CHODL: variants seen among roughly 807,000 people sequenced by gnomAD.
The protein encoded by CHODL is chondrolectin.
CHODL carries 29 observed loss-of-function variants against 34.5 expected under a neutral mutation model. That is an observed-to-expected ratio of 0.84 (90% CI 0.63 to 1.15). The LOEUF is 1.15. Ranked by LOEUF, CHODL falls within the 50% of genes most tolerant of loss-of-function variation. The pLI, the probability that CHODL is intolerant of heterozygous loss-of-function variation, is 0.00. For missense variants in CHODL, 332 were observed against 332.5 expected (o/e 1.00, Z 0.01); for synonymous variants, 125 against 116.1 (o/e 1.08, Z -0.49).
At chr21:18,025,594 T>A (rs2064167137) in intron 1 of CHODL, among the ~76,000 whole-genome samples, 1 of 152,194 alleles carries the variant, frequency 6.6e-6, no homozygotes, top group East Asian at 1.9e-4. Context: ...ATAATTTATT[T>A]TTTTATTTTT....
At chr21:18,181,365 A>T (rs559270387) in intron 2 of CHODL, among the ~76,000 whole-genome samples, 1 of 152,328 alleles carries the variant, frequency 6.6e-6, no homozygotes, top group Admixed American at 6.5e-5. Flanking sequence ...TGCATACAAA[A>T]GAAGCCCTGT....
chr21:17,970,050 C>A (rs1476585986), intron 1 of CHODL, among the ~76,000 whole-genome samples: 1 of 152,168 alleles, frequency 6.6e-6, no homozygotes, highest in Non-Finnish European at 1.5e-5. Context: ...TGCAGCTTCT[C>A]TATTGGATCC....
At chr21:18,059,370 G>A (rs2064627129) in intron 2 of CHODL, among the ~76,000 whole-genome samples, 2 of 152,132 alleles carry the variant, frequency 1.3e-5, no homozygotes, top group South Asian at 4.1e-4. Flanking sequence ...TTTTGTTATG[G>A]CAGCCTGAGC....
intron 2 of CHODL, among the ~76,000 whole-genome samples, chr21:18,236,845 G>A (rs1334747330): frequency 1.2e-4 from 18 of 151,960 alleles, no homozygotes. Context: ...TTTATTTTGT[G>A]TTGTAATTTG....
intron 1 of CHODL, among the ~76,000 whole-genome samples, chr21:18,027,464 A>G (rs1441549559): frequency 6.6e-6 from 1 of 152,214 alleles, no homozygotes; most frequent in Non-Finnish European, 1.5e-5. Flanking sequence ...CTCTGTAGTT[A>G]CACAGAAGAA....
chr21:18,137,341 A>G (rs2072746220), intron 2 of CHODL, among the ~76,000 whole-genome samples: 1 of 152,194 alleles, frequency 6.6e-6, no homozygotes, highest in African/African-American at 2.4e-5. Context: ...TCAACTAAAC[A>G]TAACTATCAT....
chr21:18,232,965 ATATATATG>A (rs1457471096), intron 2 of CHODL, among the ~76,000 whole-genome samples: 129 of 139,616 alleles, frequency 9.2e-4, no homozygotes, highest in African/African-American at 3.3e-3. Context: ...ATATATATAT[ATATATATG>A]TATATATATG....
chr21:17,939,974 G>A (rs2146329458), intron 1 of CHODL, among the ~76,000 whole-genome samples: 1 of 152,272 alleles, frequency 6.6e-6, no homozygotes. Context: ...CTAGATTCAT[G>A]GGTGTGTAAC....
intron 2 of CHODL, among the ~76,000 whole-genome samples, chr21:18,112,862 T>C (rs963618297): frequency 1.3e-5 from 2 of 152,016 alleles, no homozygotes. Flanking sequence ...TGGGCAAAGG[T>C]TTCTTGAACA....
At chr21:18,177,227 A>G (rs1292386661) in intron 2 of CHODL, among the ~76,000 whole-genome samples, 2 of 152,062 alleles carry the variant, frequency 1.3e-5, no homozygotes, top group Non-Finnish European at 2.9e-5. Flanking sequence ...TAAATATATT[A>G]TGGTAAATCC....
intron 2 of CHODL, among the ~76,000 whole-genome samples, chr21:18,100,878 G>GA: frequency 6.6e-6 from 1 of 152,198 alleles, no homozygotes; most frequent in East Asian, 1.9e-4. Flanking sequence ...CTGGTCTTAA[G>GA]ATTTTTTTCC....
At chr21:18,142,344 G>C (rs1336035592) in intron 2 of CHODL, among the ~76,000 whole-genome samples, 1 of 152,052 alleles carries the variant, frequency 6.6e-6, no homozygotes, top group Admixed American at 6.6e-5. Flanking sequence ...CTTGAGCTTT[G>C]CTTTAATTCT....
intron 1 of CHODL, among the ~76,000 whole-genome samples, chr21:17,987,281 T>C (rs543164323): frequency 4.9e-4 from 74 of 152,284 alleles, no homozygotes; most frequent in Admixed American, 1.4e-3. Context: ...GACATCAGTA[T>C]AATCATTTTT....
intron 2 of CHODL, among the ~76,000 whole-genome samples, chr21:18,225,968 G>C (rs886684439): frequency 2.0e-5 from 3 of 152,040 alleles, no homozygotes; most frequent in African/African-American, 7.2e-5. Context: ...TCAAATCATA[G>C]ACATACAGAG....
rs114180921 is a variant in CHODL, at chr21:18,209,506, T to G, written c.-44-47003T>G. 3.6e-3 allele frequency among the ~76,000 whole-genome samples: 549 copies of G among 152,280 alleles called. 3 individuals are homozygous for G. Among genetic ancestry groups the G allele is most frequent in the African/African-American group, 0.012 (512 of 41,568 alleles). On this transcript the variant is annotated intron_variant, in intron 2 of 6. Coordinates refer to the CHODL transcript ENST00000400127. Reference sequence around the variant, plus strand: ...AACTGGCAACCTCAAGAGGCTACTTTGTGCTTTACCCCACGTGGCTGAGCT... The same window carrying G: ...AACTGGCAACCTCAAGAGGCTACTTGGTGCTTTACCCCACGTGGCTGAGCT...
intron 2 of CHODL, among the ~76,000 whole-genome samples, chr21:18,197,673 A>G (rs1001680396): frequency 6.6e-6 from 1 of 152,194 alleles, no homozygotes; most frequent in African/African-American, 2.4e-5. Flanking sequence ...GAAGAGATGA[A>G]ACAGACAGAT....
chr21:18,028,267 T>TCC (rs1449090152), intron 2 of CHODL, among the ~76,000 whole-genome samples: 2,145 of 49,262 alleles, frequency 0.044, 82 homozygotes, highest in Non-Finnish European at 0.064. Context: ...TCTTTTTCTT[T>TCC]TTCCTTTTCC....
At chr21:18,102,484 T>C (rs546689520) in intron 2 of CHODL, among the ~76,000 whole-genome samples, 7 of 152,302 alleles carry the variant, frequency 4.6e-5, no homozygotes, top group African/African-American at 1.2e-4. Flanking sequence ...ATTATCTGTA[T>C]AAAAATATGT....
intron 2 of CHODL, among the ~76,000 whole-genome samples, chr21:18,084,324 T>C (rs997376846): frequency 6.6e-6 from 1 of 152,214 alleles, no homozygotes; most frequent in African/African-American, 2.4e-5. Flanking sequence ...GGTTTAGTTC[T>C]TGTTTTTTGT....
Sources: allele counts gnomAD v4.1 joint callset (sites outside exome capture counted in the v4.1 genomes callset), GRCh38; gene constraint gnomAD v4.1.1; transcripts MANE v1.5; gene names NCBI Gene and HGNC (gene_info 2026-07-23, HGNC 2026-07-21).